The following ZNF213 variants were observed in gnomAD, a reference collection of about 807,000 sequenced individuals.
ZNF213 encodes zinc finger protein 213, also known as putative transcription factor CR53.
A neutral mutation model predicts 46.0 loss-of-function variants in ZNF213; 32 were observed. The ratio of observed to expected loss-of-function variants is 0.70; its 90% confidence interval spans 0.52 to 0.93. The LOEUF is 0.93. Ranked by LOEUF, ZNF213 falls within the 40% of genes least tolerant of loss-of-function variation. ZNF213 has a pLI of 0.00. For synonymous variants in ZNF213, 297 were observed against 271.0 expected, an observed-to-expected ratio of 1.10 and a Z score of -0.94; for missense variants, 639 against 652.8, an observed-to-expected ratio of 0.98 and a Z score of 0.23.
intron 1 of ZNF213, among the ~76,000 whole-genome samples, chr16:3,136,022 G>A (rs755405796): frequency 8.6e-5 from 13 of 151,792 alleles, no homozygotes; most frequent in Non-Finnish European, 1.8e-4. Flanking sequence ...TACAGATGGC[G>A]TCTCACATTG....
chr16:3,140,218 A>G (rs1281367969), intron 5 of ZNF213: 1 of 152,580 alleles, frequency 6.6e-6, no homozygotes, highest in African/African-American at 2.4e-5. Flanking sequence ...TTTTTTCATC[A>G]TCCCTGATTT....
intron 5 of ZNF213, 135 bp downstream of exon 5, chr16:3,139,233 C>A: frequency 7.6e-7 from 1 of 1,319,532 alleles, no homozygotes. Flanking sequence ...TGAGTAACTC[C>A]TTTCTTGGCT....
In ZNF213 at chr16:3,139,229, A is replaced by T. The variant is rs749621297; in HGVS notation, c.721+131A>T. On this transcript the variant is annotated intron_variant, in intron 5 of 5. Coordinates refer to ENST00000396878, the MANE Select transcript of ZNF213 (RefSeq NM_004220.3). ...CTAGGTCTTGCCAGGAGCCTGAGTA[A>T]CTCCTTTCTTGGCTGATGATCAGTT... 45 of 1,352,530 alleles carry T rather than the reference A, an allele frequency of 3.3e-5. 1 individual carries two copies. The South Asian group carries it at 5.7e-4, about 17-fold the overall frequency. The allele number at this position is 1,352,530 out of a possible 1,614,324, so 83.8% of individuals were successfully genotyped here.
rs202142918 is a variant in ZNF213 at position 3,137,471 on chromosome 16, G to A, written c.191G>A (p.Ser64Asn). The change falls in exon 2 of 6, where the codon AGC becomes AAC. Residue 64 changes from serine (S) to asparagine (N), a missense_variant. Ser to Asn is a conservative substitution (Grantham distance 46, BLOSUM62 1). Coordinates refer to ENST00000396878, the MANE Select transcript of ZNF213 (RefSeq NM_004220.3). Reference sequence around the variant, plus strand: ...GTGCATGGGCCTCATGAGGCCTTCAGCCAGCTCTGGGAGCTCTGCTGCCGC... The same window carrying A: ...GTGCATGGGCCTCATGAGGCCTTCAACCAGCTCTGGGAGCTCTGCTGCCGC... ...GDVHGPHEAF[S>N]QLWELCCRWL... is the part of the protein sequence containing the mutation. 2.3e-4 allele frequency: 377 copies of A among 1,613,810 alleles called. No individual in the cohort carries two copies. The highest frequency in any genetic ancestry group is 3.1e-4 in the Non-Finnish European group (363 of 1,180,044).
Position 3,141,289 on chromosome 16 carries a change from G to A in ZNF213, c.1322G>A (p.Arg441His). The A allele has an allele frequency of 1.2e-6, 2 of 1,609,270 alleles. No individual in the cohort carries two copies. The highest frequency in any genetic ancestry group is 1.7e-6 in the Non-Finnish European group (2 of 1,178,994). The change falls in exon 6 of 6, where the codon CGC becomes CAC. Residue 441 changes from arginine (R) to histidine (H), a missense_variant. Transcript: ENST00000396878. ...GAGTGCGACAAGAGCTTCAAGCAGC[G>A]CGCGCACCTCATCGCGCATCAGAGC... ...CGECDKSFKQ[R>H]AHLIAHQSLH... is the part of the protein sequence containing the mutation.
chr16:3,138,895 C>A (rs1042693109), intron 4 of ZNF213, 77 bp downstream of exon 4: 1 of 1,613,530 alleles, frequency 6.2e-7, no homozygotes. Context: ...GCTGTCCCAT[C>A]AGGCCTCTTT....
At position 3,137,487 on chromosome 16, in the gene ZNF213, C is replaced by G. The variant is rs1185026375; in HGVS notation, c.207C>G (p.Leu69=). ...PHEAFSQLWE[L]CCRWLRPELR... ...AGGCCTTCAGCCAGCTCTGGGAGCT[C>G]TGCTGCCGCTGGCTGCGGCCCGAGC... Residue 69 remains leucine, a synonymous_variant, in exon 2 of 6, where the codon CTC becomes CTG. Coordinates refer to ENST00000396878, the MANE Select transcript of ZNF213 (RefSeq NM_004220.3). 4 of 1,613,840 alleles carry G rather than the reference C, an allele frequency of 2.5e-6. No homozygotes were observed. The South Asian group carries it at 3.3e-5, about 13-fold the overall frequency.
In ZNF213 at chr16:3,139,014, C is replaced by A. The variant is rs527438002; in HGVS notation, c.637C>A (p.Arg213=). Residue 213 remains arginine (R), a synonymous_variant, in exon 5 of 6, where the codon CGG becomes AGG. Transcript: ENST00000396878. ...GGGAGACATCCCATTCTATTTCTCCCGGGAAGAATGGGGCACCCTGGACCC... is the reference window on the plus strand; with the variant it reads ...GGGAGACATCCCATTCTATTTCTCCAGGGAAGAATGGGGCACCCTGGACCC... The part of the protein sequence containing the change: ...ALGDIPFYFS[R]EEWGTLDPAQ... 1 of 1,614,150 alleles carries A rather than the reference C, an allele frequency of 6.2e-7. No homozygotes were observed. Among genetic ancestry groups the A allele is most frequent in the South Asian group, 1.1e-5 (1 of 91,076 alleles).
At chr16:3,140,476 G>C (rs886646121) in intron 5 of ZNF213, 3 of 634,202 alleles carry the variant, frequency 4.7e-6, no homozygotes, top group African/African-American at 3.8e-5. Flanking sequence ...GCTCGCCTCA[G>C]CCTCCCAAAA....
At position 3,141,492 on chromosome 16, in the gene ZNF213, C is replaced by G. The variant is rs1276940861; in HGVS notation, c.*145C>G. The G allele has an allele frequency of 1.0e-6, 1 of 976,460 alleles. No homozygotes were observed. The highest frequency in any genetic ancestry group is 1.5e-6 in the Non-Finnish European group (1 of 686,130). The allele number at this position is 976,460 out of a possible 1,614,324, so 60.5% of individuals were successfully genotyped here. A position where few individuals can be genotyped will look rare whatever the true frequency, so the allele number is the denominator to read the frequency against. On this transcript the variant is annotated 3_prime_UTR_variant, in exon 6 of 6. Transcript: ENST00000396878. Reference sequence around the variant, plus strand: ...TACCTCACACTCGGAGCTCGCCTGCCCTGCTTGGCTCTGAGGACCTGCCCA... The same window carrying G: ...TACCTCACACTCGGAGCTCGCCTGCGCTGCTTGGCTCTGAGGACCTGCCCA...
intron 4 of ZNF213, 49 bp from the exon 5 acceptor site, chr16:3,138,926 C>T (rs746257203): frequency 3.7e-6 from 6 of 1,613,902 alleles, no homozygotes; most frequent in Non-Finnish European, 5.1e-6. Flanking sequence ...ATCCTGTCCC[C>T]GCCAGTGCTG....
In ZNF213 at chr16:3,140,934, G is replaced by A. The variant is rs1487608141; in HGVS notation, c.967G>A (p.Gly323Arg). Residue 323 changes from glycine (G) to arginine (R), a missense_variant, in exon 6 of 6, where the codon GGA (glycine) becomes AGA (arginine). Coordinates refer to ENST00000396878, the MANE Select transcript of ZNF213 (RefSeq NM_004220.3). The part of the protein sequence containing the change: ...AEKPHSCGQC[G>R]KRFRWGSDLA... ...GAAGCCGCACAGCTGCGGGCAGTGT[G>A]GAAAGCGCTTCCGCTGGGGCTCGGA... 1.3e-6 allele frequency: 2 copies of A among 1,598,446 alleles called. No homozygotes were observed. Among genetic ancestry groups the A allele is most frequent in the African/African-American group, 1.3e-5 (1 of 74,718 alleles).
rs1957518117 is a variant in ZNF213, at chr16:3,135,066, G to A, written c.-437G>A. On this transcript the variant is annotated 5_prime_UTR_variant, in exon 1 of 6. Transcript: ENST00000396878. ...CGCCGGGAGCTCGCGGCGGAAGTGG[G>A]ATCTCCTGGGCCGTAGTGGGCGTTG... 6.9e-6 allele frequency: 1 copy of A among 145,068 alleles called. No homozygotes were observed. Among genetic ancestry groups the A allele is most frequent in the Non-Finnish European group, 1.5e-5 (1 of 65,826 alleles). The allele number at this position is 145,068 out of a possible 1,614,324, so 9.0% of individuals were successfully genotyped here.
At chr16:3,138,893 A>T (rs573777378) in intron 4 of ZNF213, 75 bp downstream of exon 4, 1 of 1,613,696 alleles carries the variant, frequency 6.2e-7, no homozygotes, top group Non-Finnish European at 8.5e-7. Context: ...TTGCTGTCCC[A>T]TCAGGCCTCT....
rs1189719257 is a variant in ZNF213 at position 3,138,661 on chromosome 16, G to A, written c.524-84G>A. 4.5e-5 allele frequency: 73 copies of A among 1,610,570 alleles called. 1 individual carries two copies. The South Asian group carries it at 7.6e-4, about 17-fold the overall frequency. On this transcript the variant is annotated intron_variant, in intron 3 of 5. Coordinates refer to ENST00000396878, the MANE Select transcript of ZNF213 (RefSeq NM_004220.3). ...TCCCTCTGTGAAGTCCAGGGCGTGT[G>A]TGCATGCGCACAGGCTGGGGAGGCC...
At position 3,142,252 on chromosome 16, in the gene ZNF213, ACTCCATCGGCCCCG is replaced by A. The variant is rs1381652520; in HGVS notation, c.*916_*929del. On this transcript the variant is annotated 3_prime_UTR_variant, in exon 6 of 6. Transcript: ENST00000396878. Reference sequence around the variant, plus strand: ...GCACTAATGCTCCACTCGGCGCCCCACTCCATCGGCCCCGCTCCATCGGCACTAATGCCCCACTC... The same window carrying A: ...GCACTAATGCTCCACTCGGCGCCCCACTCCATCGGCACTAATGCCCCACTC... The A allele has an allele frequency of 4.8e-4, 43 of 88,988 alleles. No individual in the cohort carries two copies. The highest frequency in any genetic ancestry group is 1.4e-3 in the African/African-American group (36 of 25,756). The allele number at this position is 88,988 out of a possible 1,614,324, so 5.5% of individuals were successfully genotyped here.
intron 5 of ZNF213, 102 bp downstream of exon 5, chr16:3,139,200 C>T (rs1957576339): frequency 6.6e-7 from 1 of 1,508,060 alleles, no homozygotes; most frequent in Admixed American, 2.1e-5. Context: ...AAAGCAGGCT[C>T]TCCCTAGGTC....
At position 3,141,451 on chromosome 16, in the gene ZNF213, C is replaced by T. The variant is rs1291823642; in HGVS notation, c.*104C>T. 68 of 1,320,380 alleles carry T rather than the reference C, an allele frequency of 5.2e-5. No individual in the cohort carries two copies. The highest frequency in any genetic ancestry group is 8.5e-5 in the Admixed American group (3 of 35,258). The allele number at this position is 1,320,380 out of a possible 1,614,324, so 81.8% of individuals were successfully genotyped here. A position where few individuals can be genotyped will look rare whatever the true frequency, so the allele number is the denominator to read the frequency against. ...CATCTGTGGCCACCTCCCGGGCTGT[C>T]CGAGGGACCCCAGGGTACCTCACAC... On this transcript the variant is annotated 3_prime_UTR_variant, in exon 6 of 6. Transcript: ENST00000396878.
rs375722389 is a variant in ZNF213, at chr16:3,138,489, G to T, written c.471G>T (p.Thr157=). The T allele has an allele frequency of 1.2e-6, 2 of 1,613,548 alleles. No homozygotes were observed. Residue 157 remains threonine, a synonymous_variant, in exon 3 of 6, where the codon ACG becomes ACT. Transcript: ENST00000396878. The part of the protein sequence containing the change: ...RGSQATGPPP[T]VGARRRPSVP... ...CCCAGGCCACGGGGCCTCCCCCGAC[G>T]GTGGGGGCACGGAGGCGGCCGTCTG...
Sources: allele counts gnomAD v4.1 joint callset (sites outside exome capture counted in the v4.1 genomes callset), GRCh38; gene constraint gnomAD v4.1.1; transcripts MANE v1.5; gene names NCBI Gene and HGNC (gene_info 2026-07-23, HGNC 2026-07-21).